ADAM32: variants seen among roughly 807,000 people sequenced by gnomAD.
ADAM32 encodes disintegrin and metalloproteinase domain-containing protein 32.
A neutral mutation model predicts 114.9 loss-of-function variants in ADAM32; 89 were observed. The ratio of observed to expected loss-of-function variants is 0.77; its 90% confidence interval spans 0.65 to 0.92. The LOEUF is 0.92. Among genes scored for constraint, ADAM32 ranks in the 40% least tolerant of loss-of-function variants. The probability of loss-of-function intolerance (pLI) is 0.00; values close to 1 mark genes in which losing one functional copy is unlikely to be tolerated. For missense variants in ADAM32, 870 were observed against 932.8 expected, an observed-to-expected ratio of 0.93 and a Z score of 0.88; for synonymous variants, 285 against 307.5, an observed-to-expected ratio of 0.93 and a Z score of 0.77.
chr8:39,125,639 A>T (rs1209680325), intron 2 of ADAM32, among the ~76,000 whole-genome samples: 3 of 152,110 alleles, frequency 2.0e-5, no homozygotes, highest in African/African-American at 7.2e-5. Context: ...GTTCACTCTG[A>T]TCATACTTTC....
At chr8:39,228,325 G>C (rs1809526664) in intron 14 of ADAM32, among the ~76,000 whole-genome samples, 1 of 152,110 alleles carries the variant, frequency 6.6e-6, no homozygotes, top group African/African-American at 2.4e-5. Flanking sequence ...TTAAAACCAA[G>C]AAGAAACCCT....
intron 17 of ADAM32, among the ~76,000 whole-genome samples, chr8:39,251,922 T>G (rs1324625341): frequency 1.3e-5 from 2 of 151,922 alleles, no homozygotes; most frequent in African/African-American, 4.8e-5. Flanking sequence ...TCAAGTTTTA[T>G]TCTTCTGCAT....
rs774715123 is a variant in ADAM32, at chr8:39,221,748, T to G, written c.1326+46T>G. ...CATCTTTCAAATATATAACAAATCATGTGCAGGGTACTTTACAACACAGAC... is the reference window on the plus strand; with the variant it reads ...CATCTTTCAAATATATAACAAATCAGGTGCAGGGTACTTTACAACACAGAC... On this transcript the variant is annotated intron_variant, in intron 13 of 24. Transcript: ENST00000379907. The G allele has an allele frequency of 1.2e-5, 17 of 1,433,704 alleles. No homozygotes were observed. The East Asian group carries it at 2.6e-4, about 22-fold the overall frequency. The allele number at this position is 1,433,704 out of a possible 1,614,324, so 88.8% of individuals were successfully genotyped here.
At chr8:39,235,016 T>A (rs1810026719) in intron 16 of ADAM32, among the ~76,000 whole-genome samples, 1 of 152,174 alleles carries the variant, frequency 6.6e-6, no homozygotes, top group South Asian at 2.1e-4. Context: ...CCTCTCTGTC[T>A]GACTCTTCAT....
intron 16 of ADAM32, among the ~76,000 whole-genome samples, chr8:39,235,037 T>C (rs1445644766): frequency 6.6e-6 from 1 of 152,190 alleles, no homozygotes; most frequent in Non-Finnish European, 1.5e-5. Context: ...TCCTGTGTCC[T>C]GTGACCTGGG....
rs141400384 is a variant in ADAM32, at chr8:39,126,090, G to T, written c.138+7925G>T. Among the ~76,000 whole-genome samples the T allele has an allele frequency of 7.2e-5, 11 of 152,268 alleles. 1 individual carries two copies. In the East Asian group the frequency reaches 1.7e-3, roughly 24 times the overall value. On this transcript the variant is annotated intron_variant, in intron 2 of 24. Coordinates refer to ENST00000379907, the MANE Select transcript of ADAM32 (RefSeq NM_145004.7). ...CCTTGTAGTAGTTTGAGGTCATGTA[G>T]CATGATGCCTTCAGCTTCGTTCTTC...
chr8:39,180,928 T>A lies in ADAM32; in HGVS notation c.916-5981T>A, dbSNP rs558568729. 5.3e-5 allele frequency among the ~76,000 whole-genome samples: 8 copies of A among 152,314 alleles called. No homozygotes were observed. In the East Asian group the frequency reaches 1.4e-3, roughly 26 times the overall value. The stretch of plus-strand genomic sequence containing the variant: ...TGTATCTAGCTGCTCTGGTGGGGCC[T>A]TGGAGAACCTGTGAGTCCATACTCT... On this transcript the variant is annotated intron_variant, in intron 10 of 24. Transcript: ENST00000379907.
intron 16 of ADAM32, among the ~76,000 whole-genome samples, chr8:39,235,112 T>C (rs974489087): frequency 1.3e-5 from 2 of 151,968 alleles, no homozygotes; most frequent in African/African-American, 4.8e-5. Context: ...TAATAAATCT[T>C]TGGATATATG....
chr8:39,205,032 C>T (rs1236058293), intron 11 of ADAM32, among the ~76,000 whole-genome samples: 1 of 152,212 alleles, frequency 6.6e-6, no homozygotes, highest in African/African-American at 2.4e-5. Context: ...TGTCAGTCTG[C>T]CCCTACTCAG....
At position 39,221,674 on chromosome 8, in the gene ADAM32, A is replaced by G. The variant is rs548625516; in HGVS notation, c.1298A>G (p.Tyr433Cys). The G allele has an allele frequency of 1.9e-6, 3 of 1,611,950 alleles. No individual in the cohort carries two copies. Among genetic ancestry groups the G allele is most frequent in the Non-Finnish European group, 8.5e-7 (1 of 1,178,718 alleles). The part of the protein sequence containing the change: ...TCVLKDGAKC[Y>C]KGLCCKDCQI... ...GTACTGAAAGACGGAGCAAAATGTT[A>G]TAAAGGACTGTGCTGCAAAGACTGT... The change falls in exon 13 of 25, where the codon TAT (tyrosine) becomes TGT (cysteine). Residue 433 changes from tyrosine (Y) to cysteine (C), a missense_variant. Transcript: ENST00000379907.
chr8:39,223,432 T>A (rs569877433), intron 14 of ADAM32, 194 bp downstream of exon 14: 2 of 287,622 alleles, frequency 7.0e-6, no homozygotes, highest in South Asian at 1.6e-4. Context: ...ATATATATAT[T>A]TTATTATATG....
intron 6 of ADAM32, among the ~76,000 whole-genome samples, chr8:39,160,211 C>T (rs546872021): frequency 6.6e-6 from 1 of 152,320 alleles, no homozygotes; most frequent in Non-Finnish European, 1.5e-5. Flanking sequence ...GAACTCACCT[C>T]TTGATGACAG....
At chr8:39,173,441 T>C (rs1002125941) in intron 10 of ADAM32, among the ~76,000 whole-genome samples, 6 of 152,196 alleles carry the variant, frequency 3.9e-5, no homozygotes, top group African/African-American at 1.2e-4. Context: ...AGTTTTTTTT[T>C]TTCATGTTTT....
At chr8:39,216,838 G>T (rs934777142) in intron 12 of ADAM32, among the ~76,000 whole-genome samples, 2 of 151,582 alleles carry the variant, frequency 1.3e-5, no homozygotes, top group African/African-American at 2.4e-5. Flanking sequence ...ATTTTGATTG[G>T]TTCATCATCT....
chr8:39,181,737 A>T (rs1259737874), intron 10 of ADAM32, among the ~76,000 whole-genome samples: 1 of 152,210 alleles, frequency 6.6e-6, no homozygotes, highest in Non-Finnish European at 1.5e-5. Flanking sequence ...GGAACAGTGA[A>T]AATGTGGTTG....
At chr8:39,187,288 T>C (rs570335096) in intron 11 of ADAM32, among the ~76,000 whole-genome samples, 15 of 152,276 alleles carry the variant, frequency 9.9e-5, no homozygotes, top group African/African-American at 3.6e-4. Flanking sequence ...TGGATTTTTT[T>C]TGAGATGGAG....
chr8:39,188,325 G>T (rs556337316), intron 11 of ADAM32, among the ~76,000 whole-genome samples: 1 of 151,940 alleles, frequency 6.6e-6, no homozygotes, highest in Non-Finnish European at 1.5e-5. Context: ...ATATATAATT[G>T]ATATGCATAT....
At chr8:39,153,488 C>T (rs1803969667) in intron 6 of ADAM32, among the ~76,000 whole-genome samples, 1 of 152,224 alleles carries the variant, frequency 6.6e-6, no homozygotes, top group Non-Finnish European at 1.5e-5. Flanking sequence ...CTTCAGCCAA[C>T]TGAAACTGCT....
At chr8:39,165,255 G>A (rs926456880) in intron 9 of ADAM32, 59 bp downstream of exon 9, 2 of 1,194,760 alleles carry the variant, frequency 1.7e-6, no homozygotes, top group Admixed American at 3.3e-5. Flanking sequence ...TAATTATGTG[G>A]CTTAATGTAA....
Sources: allele counts gnomAD v4.1 joint callset (sites outside exome capture counted in the v4.1 genomes callset), GRCh38; gene constraint gnomAD v4.1.1; transcripts MANE v1.5; gene names NCBI Gene and HGNC (gene_info 2026-07-23, HGNC 2026-07-21).